Variants in MACROD2 observed in about 807,000 individuals in gnomAD.
MACROD2 encodes mono-ADP ribosylhydrolase 2, also known as ADP-ribose glycohydrolase MACROD2.
MACROD2 carries 36 observed loss-of-function variants against 70.4 expected under a neutral mutation model. That is an observed-to-expected ratio of 0.51 (90% CI 0.39 to 0.68). The LOEUF is 0.68. MACROD2 is among the 30% of genes least tolerant of loss of function. The pLI is 0.00. For synonymous variants in MACROD2, 172 were observed against 178.8 expected (o/e 0.96, Z 0.30); for missense variants, 496 against 538.4 (o/e 0.92, Z 0.78).
intron 8 of MACROD2, among the ~76,000 whole-genome samples, chr20:15,755,148 C>A (rs557589812): frequency 6.6e-6 from 1 of 152,118 alleles, no homozygotes; most frequent in Non-Finnish European, 1.5e-5. Flanking sequence ...CATGAGCCAC[C>A]GCACACAGCC....
At chr20:15,751,379 G>A (rs1232374616) in intron 8 of MACROD2, among the ~76,000 whole-genome samples, 2 of 151,956 alleles carry the variant, frequency 1.3e-5, no homozygotes, top group Admixed American at 1.3e-4. Context: ...CATGTATATT[G>A]ATATTTGAAA....
At chr20:15,902,390 G>A (rs2065077017) in intron 10 of MACROD2, among the ~76,000 whole-genome samples, 1 of 151,858 alleles carries the variant, frequency 6.6e-6, no homozygotes, top group South Asian at 2.1e-4. Flanking sequence ...TTTATTCTAG[G>A]GTATGTGGCA....
intron 6 of MACROD2, among the ~76,000 whole-genome samples, chr20:15,380,419 G>A (rs1435962442): frequency 2.6e-5 from 3 of 117,254 alleles, no homozygotes; most frequent in African/African-American, 1.5e-4. Context: ...AAATAACTTA[G>A]GGAAAGTTTT....
chr20:14,408,164 A>C (rs2083711709), intron 3 of MACROD2, among the ~76,000 whole-genome samples: 1 of 152,166 alleles, frequency 6.6e-6, no homozygotes, highest in South Asian at 2.1e-4. Context: ...GTGCACACTT[A>C]GTGTGCATGA....
At chr20:15,914,328 G>A (rs971115681) in intron 10 of MACROD2, among the ~76,000 whole-genome samples, 3 of 152,166 alleles carry the variant, frequency 2.0e-5, no homozygotes, top group Non-Finnish European at 4.4e-5. Flanking sequence ...GGCCAGTGCT[G>A]AACAGCAATG....
intron 8 of MACROD2, among the ~76,000 whole-genome samples, chr20:15,761,531 A>T (rs1160016671): frequency 6.6e-6 from 1 of 152,234 alleles, no homozygotes; most frequent in Non-Finnish European, 1.5e-5. Context: ...GAAAAAGGCT[A>T]TTAAAGCCTA....
At chr20:15,959,924 A>C (rs768523362) in intron 12 of MACROD2, among the ~76,000 whole-genome samples, 9 of 152,198 alleles carry the variant, frequency 5.9e-5, no homozygotes, top group Non-Finnish European at 1.0e-4. Context: ...ACTTGCAAGA[A>C]CCACAAAGTG....
intron 6 of MACROD2, among the ~76,000 whole-genome samples, chr20:15,384,716 C>T (rs1463471508): frequency 2.6e-5 from 4 of 152,062 alleles, no homozygotes; most frequent in South Asian, 2.1e-4. Context: ...CAAATAATAA[C>T]CAGTACATTT....
chr20:15,866,017 A>G (rs2064488195), intron 9 of MACROD2, among the ~76,000 whole-genome samples: 1 of 152,198 alleles, frequency 6.6e-6, no homozygotes, highest in Admixed American at 6.5e-5. Flanking sequence ...GATGAGGAAC[A>G]AGTGGAACAT....
intron 3 of MACROD2, among the ~76,000 whole-genome samples, chr20:14,479,593 C>A (rs1324982032): frequency 1.3e-5 from 2 of 152,104 alleles, no homozygotes; most frequent in East Asian, 1.9e-4. Flanking sequence ...TCCTTTTGCA[C>A]CTTTCAGAGT....
intron 5 of MACROD2, among the ~76,000 whole-genome samples, chr20:15,147,238 A>G (rs1486083656): frequency 6.6e-6 from 1 of 152,186 alleles, no homozygotes; most frequent in African/African-American, 2.4e-5. Context: ...TGGTGCTGTC[A>G]TCTTGAAATG....
At chr20:14,387,020 G>A (rs530019498) in intron 3 of MACROD2, among the ~76,000 whole-genome samples, 6 of 152,280 alleles carry the variant, frequency 3.9e-5, no homozygotes, top group African/African-American at 7.2e-5. Context: ...AACAGCAGGC[G>A]TATCTCCTTA....
At chr20:15,573,067 T>G (rs988616786) in intron 8 of MACROD2, among the ~76,000 whole-genome samples, 3 of 152,144 alleles carry the variant, frequency 2.0e-5, no homozygotes, top group Non-Finnish European at 4.4e-5. Flanking sequence ...GCAGAAAATT[T>G]GGAACACCGT....
chr20:16,011,843 T>C (rs1351016187), intron 15 of MACROD2, among the ~76,000 whole-genome samples: 1 of 152,216 alleles, frequency 6.6e-6, no homozygotes, highest in Admixed American at 6.5e-5. Context: ...CGTCTTGCAC[T>C]TTTCAGCTCC....
intron 2 of MACROD2, among the ~76,000 whole-genome samples, chr20:14,083,773 ATT>A (rs565401724): frequency 3.3e-5 from 5 of 151,976 alleles, no homozygotes; most frequent in Admixed American, 6.6e-5. Context: ...ACCAGTGAGT[ATT>A]TTGATAGAAT....
intron 3 of MACROD2, among the ~76,000 whole-genome samples, chr20:14,180,446 T>C (rs1025841308): frequency 2.0e-5 from 3 of 152,182 alleles, no homozygotes; most frequent in African/African-American, 7.2e-5. Flanking sequence ...ACTAGAATAG[T>C]ATATTATTTA....
Position 15,802,600 on chromosome 20 carries a change from C to A in MACROD2, c.646-60145C>A, listed in dbSNP as rs116017817. Among the ~76,000 whole-genome samples the A allele has an allele frequency of 2.6e-3, 398 of 152,012 alleles. 8 individuals carry two copies. The highest frequency in any genetic ancestry group is 9.3e-3 in the African/African-American group (384 of 41,420). On this transcript the variant is annotated intron_variant, in intron 8 of 17. Coordinates refer to ENST00000684519, the MANE Select transcript of MACROD2 (RefSeq NM_001351661.2). ...CCTAATGATGTACCTTATGTTTAAT[C>A]CCTTAAGATATTAAAAAAGCAAGAA...
chr20:14,316,949 T>C (rs1380760010), intron 3 of MACROD2, among the ~76,000 whole-genome samples: 2 of 152,102 alleles, frequency 1.3e-5, no homozygotes, highest in African/African-American at 4.8e-5. Context: ...TTCCCCTTAT[T>C]CCTCCCTGCC....
rs1411771159 is a variant in MACROD2, at chr20:16,051,175, A to G, written c.*1299A>G. 3 of 152,306 alleles carry G rather than the reference A, an allele frequency of 2.0e-5. No homozygotes were observed. The highest frequency in any genetic ancestry group is 4.4e-5 in the Non-Finnish European group (3 of 68,046). The allele number at this position is 152,306 out of a possible 1,614,324, so 9.4% of individuals were successfully genotyped here. On this transcript the variant is annotated 3_prime_UTR_variant, in exon 18 of 18. Transcript: ENST00000684519. ...AGTCATGTCATTGTTTTCAGTGGAA[A>G]CATATCGTTTGTTGCATATCTTCTT...
Sources: gnomAD v4.1 joint callset for allele counts (sites outside exome capture counted in the v4.1 genomes callset) on GRCh38, gnomAD v4.1.1 for gene constraint, MANE v1.5 for transcripts, NCBI Gene and HGNC (gene_info 2026-07-23, HGNC 2026-07-21) for gene names.